The following NR2F1-AS1 variants were observed in gnomAD, a reference collection of about 807,000 sequenced individuals.
NR2F1-AS1 encodes the protein NR2F1 regulatory antisense RNA 1.
intron 4 of NR2F1-AS1, among the ~76,000 whole-genome samples, chr5:93,526,702 C>A (rs1298279545): frequency 6.6e-6 from 1 of 152,118 alleles, no homozygotes; most frequent in Admixed American, 6.5e-5. Flanking sequence ...ATATGCAAAT[C>A]AATAAACGTA....
At chr5:93,442,915 TAC>T (rs936416189) in intron 4 of NR2F1-AS1, among the ~76,000 whole-genome samples, 2 of 152,218 alleles carry the variant, frequency 1.3e-5, no homozygotes, top group African/African-American at 4.8e-5. Flanking sequence ...CTGCTGGTGA[TAC>T]CCAGGCAAAC....
intron 4 of NR2F1-AS1, chr5:93,410,731 C>T (rs1748837878): frequency 6.6e-6 from 1 of 152,042 alleles, no homozygotes; most frequent in Admixed American, 6.6e-5. Flanking sequence ...ACTGTAGAGA[C>T]AACAGGTATA....
chr5:93,445,936 C>T (rs912218642), intron 4 of NR2F1-AS1, among the ~76,000 whole-genome samples: 1 of 152,092 alleles, frequency 6.6e-6, no homozygotes, highest in Non-Finnish European at 1.5e-5. Context: ...ATAAACAGAA[C>T]CAAAGATAAA....
chr5:93,451,213 T>C lies in NR2F1-AS1; in HGVS notation n.639-55671A>G, dbSNP rs893499027. On this transcript the variant is annotated intron_variant and non_coding_transcript_variant, in intron 4 of 5. Coordinates refer to ENST00000660523, the Ensembl canonical transcript of NR2F1-AS1. ...TACTAATAACTCCATTTTAATACAATAGAAACAAGTTGGAAGTCTGAGTTT... is the reference window on the plus strand; with the variant it reads ...TACTAATAACTCCATTTTAATACAACAGAAACAAGTTGGAAGTCTGAGTTT... Among the ~76,000 whole-genome samples the C allele has an allele frequency of 3.4e-5, 5 of 147,926 alleles. No individual in the cohort carries two copies. The East Asian group carries it at 6.0e-4, about 18-fold the overall frequency.
intron 2 of NR2F1-AS1, among the ~76,000 whole-genome samples, chr5:93,560,241 T>G (rs1479921103): frequency 2.0e-5 from 3 of 152,240 alleles, no homozygotes; most frequent in African/African-American, 7.2e-5. Context: ...TTAAGGATTT[T>G]TTTACACTTC....
Position 93,459,314 on chromosome 5 carries a change from G to A in NR2F1-AS1, n.639-63772C>T, listed in dbSNP as rs117947639. Among the ~76,000 whole-genome samples, 104 of 151,868 alleles carry A rather than the reference G, an allele frequency of 6.8e-4. 1 individual carries two copies. In the East Asian group the frequency reaches 0.013, roughly 19 times the overall value. ...AAAAGAGATATACAAGAAAATAAGC[G>A]CATGAAAACATGCTCAATATCATTA... On this transcript the variant is annotated intron_variant and non_coding_transcript_variant, in intron 4 of 5. Transcript: ENST00000660523.
chr5:93,427,242 G>T (rs982955763), intron 4 of NR2F1-AS1, among the ~76,000 whole-genome samples: 1 of 152,008 alleles, frequency 6.6e-6, no homozygotes, highest in Non-Finnish European at 1.5e-5. Context: ...CGCTTCTAAA[G>T]GAAATATTGC....
At chr5:93,449,886 A>T (rs1369568738) in intron 4 of NR2F1-AS1, among the ~76,000 whole-genome samples, 1 of 152,164 alleles carries the variant, frequency 6.6e-6, no homozygotes, top group Admixed American at 6.6e-5. Flanking sequence ...CTTTTTAAAG[A>T]CCCTATGACT....
At chr5:93,541,525 C>G (rs993887482) in intron 4 of NR2F1-AS1, among the ~76,000 whole-genome samples, 1 of 152,136 alleles carries the variant, frequency 6.6e-6, no homozygotes, top group Non-Finnish European at 1.5e-5. Flanking sequence ...ATTGGAATCA[C>G]CAACTCAGTT....
chr5:93,452,366 AGCCC>A (rs1320144663), intron 4 of NR2F1-AS1, among the ~76,000 whole-genome samples: 2 of 152,330 alleles, frequency 1.3e-5, no homozygotes, highest in African/African-American at 4.8e-5. Flanking sequence ...AAACTAGCTG[AGCCC>A]TCTGATTGCC....
intron 4 of NR2F1-AS1, among the ~76,000 whole-genome samples, chr5:93,437,999 C>G (rs986183151): frequency 6.6e-6 from 1 of 152,130 alleles, no homozygotes; most frequent in Non-Finnish European, 1.5e-5. Flanking sequence ...GGATATGCTT[C>G]TGGGTTAGAG....
chr5:93,557,309 T>C (rs768872055), intron 2 of NR2F1-AS1, among the ~76,000 whole-genome samples: 1 of 152,204 alleles, frequency 6.6e-6, no homozygotes, highest in Non-Finnish European at 1.5e-5. Context: ...AATATTGGTA[T>C]AGACCAGGAA....
intron 4 of NR2F1-AS1, among the ~76,000 whole-genome samples, chr5:93,505,294 CCAG>C (rs1751162809): frequency 1.3e-5 from 2 of 152,174 alleles, no homozygotes; most frequent in Non-Finnish European, 2.9e-5. Context: ...GCCTCCCTTC[CCAG>C]CTGCTTTCAC....
intron 4 of NR2F1-AS1, among the ~76,000 whole-genome samples, chr5:93,513,505 C>T (rs1473460692): frequency 6.6e-6 from 1 of 152,048 alleles, no homozygotes; most frequent in Non-Finnish European, 1.5e-5. Flanking sequence ...AAAATCAAAT[C>T]CTTTGTAACA....
At chr5:93,542,733 A>T (rs925704443) in intron 4 of NR2F1-AS1, 2 of 152,208 alleles carry the variant, frequency 1.3e-5, no homozygotes. Flanking sequence ...ATTTGCCTTG[A>T]GGACATTTGC....
At chr5:93,496,045 A>C (rs1750953564) in intron 4 of NR2F1-AS1, 1 of 152,190 alleles carries the variant, frequency 6.6e-6, no homozygotes, top group Non-Finnish European at 1.5e-5. Flanking sequence ...TTAGAAGGAA[A>C]AAATGAATTA....
rs189164663 is a variant in NR2F1-AS1 at position 93,435,673 on chromosome 5, C to T, written n.639-40131G>A. ...CCCCTCCTGATGCCCCATCAGGGCT[C>T]GCTCCCCCATTTCCTTCAAGTCATA... On this transcript the variant is annotated intron_variant and non_coding_transcript_variant, in intron 4 of 5. Transcript: ENST00000660523. Among the ~76,000 whole-genome samples, 111 of 152,232 alleles carry T rather than the reference C, an allele frequency of 7.3e-4. 1 individual carries two copies. Among genetic ancestry groups the T allele is most frequent in the African/African-American group, 2.5e-3 (105 of 41,540 alleles).
At chr5:93,494,358 T>C (rs1307249324) in intron 4 of NR2F1-AS1, among the ~76,000 whole-genome samples, 3 of 152,162 alleles carry the variant, frequency 2.0e-5, no homozygotes, top group Admixed American at 1.3e-4. Context: ...GAGCCAGCCA[T>C]AGTGGCTCAC....
chr5:93,549,346 A>T (rs1419496753), intron 4 of NR2F1-AS1, among the ~76,000 whole-genome samples: 1 of 152,182 alleles, frequency 6.6e-6, no homozygotes, highest in African/African-American at 2.4e-5. Flanking sequence ...GCAAGAAAAC[A>T]ATTTTTAGCT....
Sources: gnomAD v4.1 joint callset for allele counts (sites outside exome capture counted in the v4.1 genomes callset) on GRCh38, gnomAD v4.1.1 for gene constraint, MANE v1.5 for transcripts, NCBI Gene and HGNC (gene_info 2026-07-23, HGNC 2026-07-21) for gene names.